The following FGF13 variants were observed in gnomAD, a reference collection of about 807,000 sequenced individuals.
FGF13 encodes fibroblast growth factor 13, also known as fibroblast growth factor homologous factor 2.
A neutral mutation model predicts 19.5 loss-of-function variants in FGF13; 2 were observed. The ratio of observed to expected loss-of-function variants is 0.10; its 90% confidence interval spans 0.04 to 0.32. FGF13 has a LOEUF of 0.32. Among genes scored for constraint, FGF13 ranks in the 10% least tolerant of loss-of-function variants. The pLI is 1.00. For synonymous variants in FGF13, 72 were observed against 76.9 expected (o/e 0.94, Z 0.33); for missense variants, 113 against 192.7 (o/e 0.59, Z 2.45).
intron 1 of FGF13, among the ~76,000 whole-genome samples, chrX:139,150,497 A>G (rs1382988788): frequency 8.9e-6 from 1 of 112,038 alleles, no homozygotes; most frequent in Non-Finnish European, 1.9e-5. Flanking sequence ...GGTGTTAAAG[A>G]GAAGGCTTTG....
intron 3 of FGF13, among the ~76,000 whole-genome samples, chrX:138,651,711 G>A (rs1192616024): frequency 9.0e-6 from 1 of 110,599 alleles, no homozygotes; most frequent in Non-Finnish European, 1.9e-5. Context: ...GTGTAGATGG[G>A]ATGGGCTGAG....
At chrX:138,660,922 T>C (rs756174530) in intron 3 of FGF13, among the ~76,000 whole-genome samples, 5 of 111,744 alleles carry the variant, frequency 4.5e-5, no homozygotes, top group Non-Finnish European at 7.5e-5. Context: ...ATAGTATACA[T>C]CTAAGAAAAA....
chrX:139,062,978 T>C (rs1253162334), intron 1 of FGF13, among the ~76,000 whole-genome samples: 2 of 112,241 alleles, frequency 1.8e-5, no homozygotes, highest in African/African-American at 6.5e-5. Flanking sequence ...TCTTCTCAAC[T>C]ACCTTGTTCA....
chrX:139,018,583 G>A (rs1302287778), intron 1 of FGF13, among the ~76,000 whole-genome samples: 3 of 111,324 alleles, frequency 2.7e-5, no homozygotes, highest in Non-Finnish European at 5.7e-5. Context: ...TGTTTCTAAA[G>A]GGAGGCAAGC....
At chrX:138,849,239 G>A (rs937055988) in intron 3 of FGF13, among the ~76,000 whole-genome samples, 2 of 111,602 alleles carry the variant, frequency 1.8e-5, no homozygotes, top group Non-Finnish European at 3.8e-5. Context: ...AAGGTAGACA[G>A]CTTCCTAATC....
At chrX:138,886,329 A>G (rs1261851245) in intron 1 of FGF13, among the ~76,000 whole-genome samples, 3 of 112,452 alleles carry the variant, frequency 2.7e-5, no homozygotes, top group Non-Finnish European at 5.6e-5. Flanking sequence ...GAAACCTAGA[A>G]AATAATGCAT....
At chrX:138,751,520 A>G (rs1472431117) in intron 3 of FGF13, among the ~76,000 whole-genome samples, 1 of 111,758 alleles carries the variant, frequency 8.9e-6, no homozygotes, top group Non-Finnish European at 1.9e-5. Context: ...TCTTGCTTTT[A>G]TATCATTTCC....
chrX:139,101,120 T>C (rs1438324881), intron 1 of FGF13, among the ~76,000 whole-genome samples: 1 of 111,263 alleles, frequency 9.0e-6, no homozygotes, highest in Non-Finnish European at 1.9e-5. Flanking sequence ...TAAGTCATAT[T>C]TGAGTACTGA....
chrX:138,980,301 C>G (rs1239560341), intron 1 of FGF13, among the ~76,000 whole-genome samples: 1 of 111,225 alleles, frequency 9.0e-6, no homozygotes, highest in Non-Finnish European at 1.9e-5. Context: ...CCAAACCTTA[C>G]CTGATTTTCA....
At chrX:138,887,575 A>G (rs1337498483) in intron 1 of FGF13, among the ~76,000 whole-genome samples, 1 of 111,612 alleles carries the variant, frequency 9.0e-6, no homozygotes, top group East Asian at 2.8e-4. Context: ...AACTCCCGCT[A>G]CTTCCCCACT....
At chrX:139,100,553 A>G (rs905689909) in intron 1 of FGF13, among the ~76,000 whole-genome samples, 5 of 111,395 alleles carry the variant, frequency 4.5e-5, no homozygotes, top group Non-Finnish European at 9.4e-5. Context: ...TGAAAAAAAA[A>G]CTTACGTTTA....
At chrX:138,942,610 C>G in intron 1 of FGF13, among the ~76,000 whole-genome samples, 1 of 111,795 alleles carries the variant, frequency 8.9e-6, no homozygotes, top group East Asian at 2.8e-4. Context: ...CCTTTTTATG[C>G]TTGCTACAGA....
chrX:138,730,113 G>A (rs1037877584), intron 1 of FGF13, among the ~76,000 whole-genome samples: 1 of 110,753 alleles, frequency 9.0e-6, no homozygotes, highest in African/African-American at 3.3e-5. Flanking sequence ...TGAAAAACAC[G>A]AAGAGTAAAT....
At chrX:138,727,586 T>C (rs2090195074) in intron 1 of FGF13, among the ~76,000 whole-genome samples, 1 of 111,612 alleles carries the variant, frequency 9.0e-6, no homozygotes, top group African/African-American at 3.3e-5. Flanking sequence ...ATCCACCCTA[T>C]TTAATTATAT....
chrX:138,897,059 G>A (rs1323907125), intron 1 of FGF13, among the ~76,000 whole-genome samples: 1 of 111,706 alleles, frequency 9.0e-6, no homozygotes, highest in Admixed American at 9.5e-5. Context: ...ACCTAGGCTG[G>A]GGTGCAGTGG....
intron 1 of FGF13, among the ~76,000 whole-genome samples, chrX:138,955,691 C>T (rs967750746): frequency 8.9e-6 from 1 of 111,956 alleles, no homozygotes; most frequent in Admixed American, 9.5e-5. Context: ...CCTGGATAGG[C>T]TGAAGTTATC....
At chrX:139,194,165 CATAAA>C (rs201065311) in intron 1 of FGF13, among the ~76,000 whole-genome samples, 5,243 of 111,087 alleles carry the variant, frequency 0.047, 214 homozygotes, top group African/African-American at 0.13. Context: ...TATTTAACGA[CATAAA>C]ATAACATTCT....
chrX:138,853,218 G>A (rs1021418815), downstream of FGF13, among the ~76,000 whole-genome samples: 3 of 111,276 alleles, frequency 2.7e-5, no homozygotes, highest in South Asian at 3.8e-4. Flanking sequence ...CATTTTTCTC[G>A]AAAGGAAAAT....
chrX:139,061,936 G>A (rs969513923), intron 1 of FGF13, among the ~76,000 whole-genome samples: 3 of 103,957 alleles, frequency 2.9e-5, no homozygotes, highest in African/African-American at 3.7e-5. Flanking sequence ...TTGCTATTGC[G>A]TTCTCTGAGC....
Sources: gnomAD v4.1 joint callset for allele counts (sites outside exome capture counted in the v4.1 genomes callset) on GRCh38, gnomAD v4.1.1 for gene constraint, MANE v1.5 for transcripts, NCBI Gene and HGNC (gene_info 2026-07-23, HGNC 2026-07-21) for gene names.